Variants in RELN observed in about 807,000 individuals in gnomAD.
RELN encodes the protein reelin.
RELN carries 108 observed loss-of-function variants against 427.6 expected under a neutral mutation model. The observed-to-expected ratio is 0.25, with a 90% CI of 0.22 to 0.30. RELN has a LOEUF of 0.30. Among genes scored for constraint, RELN ranks in the 10% least tolerant of loss-of-function variants. The probability of loss-of-function intolerance (pLI) is 1.00; values close to 1 mark genes in which losing one functional copy is unlikely to be tolerated. For missense variants in RELN, 3,715 were observed against 4,302.8 expected, an observed-to-expected ratio of 0.86 and a Z score of 3.82; for synonymous variants, 1,524 against 1,513.4, an observed-to-expected ratio of 1.01 and a Z score of -0.16.
intron 3 of RELN, among the ~76,000 whole-genome samples, chr7:103,782,080 C>T (rs966587489): frequency 6.6e-6 from 1 of 152,012 alleles, no homozygotes; most frequent in African/African-American, 2.4e-5. Context: ...CCAACAAGAG[C>T]CCCTATTAAC....
chr7:103,594,548 T>C, intron 25 of RELN, 56 bp from the exon 26 acceptor site: 4 of 1,570,550 alleles, frequency 2.5e-6, no homozygotes, highest in Non-Finnish European at 3.5e-6. Flanking sequence ...CTTTTTTTTT[T>C]TCAGCTATTA....
chr7:103,904,023 G>A (rs1311239890), intron 2 of RELN, among the ~76,000 whole-genome samples: 1 of 151,882 alleles, frequency 6.6e-6, no homozygotes, highest in Non-Finnish European at 1.5e-5. Context: ...CCCCCGACAG[G>A]CCCCAGGTGT....
intron 2 of RELN, among the ~76,000 whole-genome samples, chr7:103,904,300 G>C (rs542487223): frequency 2.6e-4 from 40 of 152,172 alleles, no homozygotes; most frequent in African/African-American, 9.6e-4. Context: ...ATTGTAAATA[G>C]TGCTGCAATA....
chr7:103,941,990 T>C (rs1007280719), intron 1 of RELN, among the ~76,000 whole-genome samples: 5 of 151,388 alleles, frequency 3.3e-5, no homozygotes, highest in African/African-American at 1.2e-4. Flanking sequence ...ACTAATATAT[T>C]AAGTATTAGC....
chr7:103,811,368 C>T (rs1377043462), intron 3 of RELN, among the ~76,000 whole-genome samples: 5 of 152,202 alleles, frequency 3.3e-5, no homozygotes, highest in Admixed American at 1.3e-4. Flanking sequence ...CTGTAAAACA[C>T]ATTTGTGGCA....
At chr7:103,704,295 T>A (rs1482231255) in intron 8 of RELN, among the ~76,000 whole-genome samples, 2 of 152,226 alleles carry the variant, frequency 1.3e-5, no homozygotes, top group South Asian at 4.1e-4. Context: ...CTTTGTATGA[T>A]CAAGTATAAA....
intron 3 of RELN, among the ~76,000 whole-genome samples, chr7:103,804,409 G>C (rs1792546148): frequency 6.6e-6 from 1 of 152,052 alleles, no homozygotes. Flanking sequence ...TTTATGCTCT[G>C]AATGTCTGAC....
At chr7:103,729,803 TAGAA>T (rs1376258505) in intron 6 of RELN, among the ~76,000 whole-genome samples, 1 of 152,126 alleles carries the variant, frequency 6.6e-6, no homozygotes, top group Admixed American at 6.6e-5. Context: ...CTAAAGAACT[TAGAA>T]TAGTGCCTGG....
At chr7:103,683,014 A>T (rs1323419085) in intron 10 of RELN, among the ~76,000 whole-genome samples, 5 of 152,208 alleles carry the variant, frequency 3.3e-5, no homozygotes, top group Admixed American at 6.6e-5. Flanking sequence ...AAAAATTATT[A>T]TAAGTTTGCA....
intron 6 of RELN, among the ~76,000 whole-genome samples, chr7:103,743,061 C>T (rs1790711898): frequency 6.7e-6 from 1 of 149,434 alleles, no homozygotes; most frequent in Non-Finnish European, 1.5e-5. Context: ...AACAGCTGAT[C>T]TCTCAGCAGA....
At chr7:103,660,047 G>T (rs1270971901) in intron 12 of RELN, among the ~76,000 whole-genome samples, 2 of 151,890 alleles carry the variant, frequency 1.3e-5, no homozygotes, top group Non-Finnish European at 2.9e-5. Flanking sequence ...AAAAATTAAA[G>T]ATTAATCTTA....
At chr7:103,791,270 T>G (rs1792155112) in intron 3 of RELN, among the ~76,000 whole-genome samples, 1 of 152,174 alleles carries the variant, frequency 6.6e-6, no homozygotes, top group South Asian at 2.1e-4. Context: ...AAAATGTAAA[T>G]GCAAGGGGCT....
chr7:103,796,561 G>T (rs1792302947), intron 3 of RELN, among the ~76,000 whole-genome samples: 1 of 152,120 alleles, frequency 6.6e-6, no homozygotes, highest in Non-Finnish European at 1.5e-5. Flanking sequence ...AAGAAACTTA[G>T]AGTCTGTAGA....
chr7:103,767,136 G>A (rs1161267984), intron 4 of RELN, among the ~76,000 whole-genome samples: 2 of 152,210 alleles, frequency 1.3e-5, no homozygotes, highest in Non-Finnish European at 2.9e-5. Flanking sequence ...ACTGTGATGT[G>A]TGCATACTGC....
Position 103,620,475 on chromosome 7 carries a change from A to ATTTTTTTTTTTT in RELN, c.2703-8684_2703-8673dup, listed in dbSNP as rs67744980. Among the ~76,000 whole-genome samples the ATTTTTTTTTTTT allele has an allele frequency of 7.3e-6, 1 of 137,862 alleles. No homozygotes were observed. 90.4% of individuals were successfully genotyped at this position (137,862 alleles called of 152,430 possible). ...GTTGAAGATAACTCACCCGATCCACATTTTTTTTTTTTTTTTGAGATAGAG... is the reference window on the plus strand; with the variant it reads ...GTTGAAGATAACTCACCCGATCCACATTTTTTTTTTTTTTTTTTTTTTTTTTTTGAGATAGAG... On this transcript the variant is annotated intron_variant, in intron 20 of 64. Transcript: ENST00000428762. This position sits in a 1 kb window ranked among gnomAD's most constrained non-coding sequence, Gnocchi z 4.1.
chr7:103,660,091 T>A (rs931862097), intron 12 of RELN, among the ~76,000 whole-genome samples: 2 of 152,154 alleles, frequency 1.3e-5, no homozygotes, highest in Admixed American at 1.3e-4. Context: ...ACTTATATAA[T>A]GATGACTTAA....
intron 11 of RELN, among the ~76,000 whole-genome samples, chr7:103,672,085 T>G (rs997554445): frequency 6.6e-6 from 1 of 152,192 alleles, no homozygotes; most frequent in African/African-American, 2.4e-5. Context: ...GAAAATAAGA[T>G]GCTTAAACTG....
At chr7:103,667,198 G>T (rs565615548) in intron 11 of RELN, among the ~76,000 whole-genome samples, 2 of 152,282 alleles carry the variant, frequency 1.3e-5, no homozygotes, top group African/African-American at 4.8e-5. Flanking sequence ...CAAATTTTCA[G>T]CTGGCTGATT....
intron 53 of RELN, among the ~76,000 whole-genome samples, chr7:103,500,184 CTG>C (rs1249301974): frequency 9.9e-5 from 15 of 152,256 alleles, no homozygotes; most frequent in African/African-American, 3.6e-4. Context: ...TGTTGGGTAA[CTG>C]TATTTGCTTT....
Sources: allele counts gnomAD v4.1 joint callset (sites outside exome capture counted in the v4.1 genomes callset), GRCh38; gene constraint gnomAD v4.1.1; non-coding constraint Gnocchi (gnomAD v3.1); transcripts MANE v1.5; gene names NCBI Gene and HGNC (gene_info 2026-07-23, HGNC 2026-07-21).